PHYHD1: variants seen among roughly 807,000 people sequenced by gnomAD.
The protein encoded by PHYHD1 is phytanoyl-CoA dioxygenase domain containing 1, also known as phytanoyl-CoA dioxygenase domain-containing protein 1.
Under a neutral mutation model 43.6 loss-of-function variants are expected in PHYHD1, and 42 were observed. That is an observed-to-expected ratio of 0.96 (90% CI 0.75 to 1.25). PHYHD1 has a LOEUF of 1.25. Among genes scored for constraint, PHYHD1 ranks in the 50% most tolerant of loss-of-function variants. The pLI is 0.00. For missense variants in PHYHD1, 342 were observed against 370.8 expected (o/e 0.92, Z 0.64); for synonymous variants, 139 against 143.6 (o/e 0.97, Z 0.23).
intron 4 of PHYHD1, among the ~76,000 whole-genome samples, chr9:128,930,447 T>A (rs1345414701): frequency 1.7e-3 from 225 of 133,262 alleles, no homozygotes; most frequent in South Asian, 2.7e-3. Context: ...ACTGTCTTTT[T>A]AAAAAAAAAA....
At position 128,921,211 on chromosome 9, in the gene PHYHD1, A is replaced by C. The variant is rs531971882; in HGVS notation, c.-617A>C. ...ACTGCAACCTCCGCCTCCTGGGTTC[A>C]AGCGATTCTCCTGCCTCAGCCTCCC... On this transcript the variant is annotated 5_prime_UTR_variant, in exon 1 of 13. Coordinates refer to ENST00000372592, the MANE Select transcript of PHYHD1 (RefSeq NM_001100876.2). 1.3e-5 allele frequency: 2 copies of C among 152,490 alleles called. No homozygotes were observed. The highest frequency in any genetic ancestry group is 2.9e-5 in the Non-Finnish European group (2 of 68,176). 9.4% of individuals were successfully genotyped at this position (152,490 alleles called of 1,614,324 possible).
intron 3 of PHYHD1, among the ~76,000 whole-genome samples, chr9:128,926,371 T>A (rs1398653258): frequency 6.6e-6 from 1 of 151,018 alleles, no homozygotes; most frequent in East Asian, 2.0e-4. Context: ...TGCCTCAGCC[T>A]CCCGAGGAGC....
intron 4 of PHYHD1, among the ~76,000 whole-genome samples, chr9:128,933,570 C>T (rs1038464322): frequency 1.3e-5 from 2 of 152,128 alleles, no homozygotes; most frequent in Non-Finnish European, 2.9e-5. Flanking sequence ...AGTGAGGTGT[C>T]CAAGAAATTC....
rs1024265573 is a variant in PHYHD1 at position 128,933,675 on chromosome 9, C to G, written c.193-107C>G. On this transcript the variant is annotated intron_variant, in intron 4 of 12. Transcript: ENST00000372592. ...CAAGTCTGAGAAGCCCCCAGGGTGT[C>G]TGTAACCCTGTGAGGGTGGGAAGCT... The G allele has an allele frequency of 1.3e-5, 16 of 1,226,094 alleles. No homozygotes were observed. In the Admixed American group the frequency reaches 2.2e-4, roughly 17 times the overall value. 76.0% of individuals were successfully genotyped at this position (1,226,094 alleles called of 1,614,324 possible). A position where few individuals can be genotyped will look rare whatever the true frequency, so the allele number is the denominator to read the frequency against.
intron 4 of PHYHD1, among the ~76,000 whole-genome samples, chr9:128,933,054 T>C (rs1164184835): frequency 2.0e-5 from 3 of 149,914 alleles, no homozygotes; most frequent in African/African-American, 7.4e-5. Flanking sequence ...GATTTCACCA[T>C]GTTAGCCAGG....
intron 6 of PHYHD1, among the ~76,000 whole-genome samples, chr9:128,935,911 T>C (rs1841413386): frequency 6.6e-6 from 1 of 151,974 alleles, no homozygotes; most frequent in Admixed American, 6.6e-5. Flanking sequence ...CAAAACTAAA[T>C]AAATAAATAA....
intron 9 of PHYHD1, 106 bp downstream of exon 9, chr9:128,937,884 T>C (rs1841464825): frequency 6.3e-7 from 1 of 1,583,072 alleles, no homozygotes; most frequent in Admixed American, 1.8e-5. Context: ...TCCTGTCTGT[T>C]GTAGGAGCCT....
chr9:128,936,742 T>G, intron 8 of PHYHD1, 97 bp downstream of exon 8: 1 of 1,327,412 alleles, frequency 7.5e-7, no homozygotes. Context: ...TTGCTGGAAT[T>G]ATTATGTTGG....
chr9:128,940,219 G>A, intron 9 of PHYHD1, 150 bp from the exon 10 acceptor site: 1 of 1,273,598 alleles, frequency 7.9e-7, no homozygotes. Flanking sequence ...TTGCCTTAGA[G>A]TCCTGGGCCA....
chr9:128,934,862 G>A (rs960188825), intron 6 of PHYHD1, among the ~76,000 whole-genome samples: 1 of 152,034 alleles, frequency 6.6e-6, no homozygotes, highest in African/African-American at 2.4e-5. Flanking sequence ...TCTGGTCTTG[G>A]GCCCCTCTGC....
chr9:128,923,369 CG>C (rs1385848624), intron 3 of PHYHD1, among the ~76,000 whole-genome samples: 1 of 152,190 alleles, frequency 6.6e-6, no homozygotes. Flanking sequence ...TGAGCCACCG[CG>C]CCCAGCCTGC....
At chr9:128,929,768 G>A (rs997968533) in intron 4 of PHYHD1, among the ~76,000 whole-genome samples, 3 of 152,100 alleles carry the variant, frequency 2.0e-5, no homozygotes, top group Non-Finnish European at 2.9e-5. Flanking sequence ...ACATCTTACT[G>A]GTTCCCTCAT....
In PHYHD1 at chr9:128,941,782, G is replaced by A; in HGVS notation, c.*69G>A. The stretch of plus-strand genomic sequence containing the variant: ...TGTGGGCTGTAAACACCAGTGCCTT[G>A]CTCAGCCTCCTGGTTGCAACAGGGA... On this transcript the variant is annotated 3_prime_UTR_variant, in exon 13 of 13. Transcript: ENST00000372592. The A allele has an allele frequency of 6.2e-7, 1 of 1,605,172 alleles. No homozygotes were observed. Among genetic ancestry groups the A allele is most frequent in the African/African-American group, 1.3e-5 (1 of 74,830 alleles).
chr9:128,932,454 G>A (rs1262855055), intron 4 of PHYHD1, among the ~76,000 whole-genome samples: 2 of 151,826 alleles, frequency 1.3e-5, no homozygotes, highest in African/African-American at 4.8e-5. Flanking sequence ...CGCAACCTCC[G>A]CCTCCCAGGT....
rs768574391 is a variant in PHYHD1 at position 128,940,405 on chromosome 9, A to C, written c.494A>C (p.Glu165Ala). 6.2e-7 allele frequency: 1 copy of C among 1,614,164 alleles called. No individual in the cohort carries two copies. Among genetic ancestry groups the C allele is most frequent in the South Asian group, 1.1e-5 (1 of 91,084 alleles). ...PHQDASFLYT[E>A]PLGRVLGVWI... is the part of the protein sequence containing the mutation. ...CAGGACGCCTCCTTCCTGTACACGG[A>C]GCCCCTGGGCCGGGTGCTGGGCGTG... Residue 165 changes from glutamate to alanine, a missense_variant, in exon 10 of 13, where the codon GAG becomes GCG. Glu to Ala is a moderately radical substitution (Grantham distance 107). Transcript: ENST00000372592.
In PHYHD1 at chr9:128,925,183, C is replaced by T. The variant is rs554269466; in HGVS notation, c.34-1855C>T. On this transcript the variant is annotated intron_variant, in intron 3 of 12. Transcript: ENST00000372592. ...GGGGTGTCCTTAACCGGAAACTAGG[C>T]TCTTTGTGGGTGTGTGCAGTAAGTG... 2.0e-5 allele frequency among the ~76,000 whole-genome samples: 3 copies of T among 150,280 alleles called. No individual in the cohort carries two copies. The South Asian group carries it at 6.3e-4, about 32-fold the overall frequency.
At chr9:128,922,240 G>A in intron 2 of PHYHD1, 43 bp from the exon 3 acceptor site, 4 of 1,519,218 alleles carry the variant, frequency 2.6e-6, no homozygotes, top group Non-Finnish European at 3.6e-6. Flanking sequence ...GGTAGGGAAG[G>A]GTTAAGTCCT....
Position 128,937,765 on chromosome 9 carries a change from C to T in PHYHD1, c.444C>T (p.His148=), listed in dbSNP as rs370699769. The change falls in exon 9 of 13, where the codon CAC becomes CAT. Residue 148 remains histidine (H), a synonymous_variant. Coordinates refer to ENST00000372592, the MANE Select transcript of PHYHD1 (RefSeq NM_001100876.2). ...VQSMYIFKQP[H]FGGEVSPHQD... The stretch of plus-strand genomic sequence containing the variant: ...TTTCCTCTCTCTTGCAGCAACCTCA[C>T]TTTGGCGGTGAAGGTGAGCTGAGAG... 4 of 1,614,056 alleles carry T rather than the reference C, an allele frequency of 2.5e-6. No individual in the cohort carries two copies. The highest frequency in any genetic ancestry group is 2.5e-6 in the Non-Finnish European group (3 of 1,180,034).
intron 4 of PHYHD1, among the ~76,000 whole-genome samples, chr9:128,930,904 G>T (rs921834980): frequency 9.3e-5 from 14 of 150,162 alleles, no homozygotes; most frequent in African/African-American, 3.4e-4. Flanking sequence ...AGCCGAGATT[G>T]GGTCACTGCA....
Sources: allele counts gnomAD v4.1 joint callset (sites outside exome capture counted in the v4.1 genomes callset), GRCh38; gene constraint gnomAD v4.1.1; transcripts MANE v1.5; gene names NCBI Gene and HGNC (gene_info 2026-07-23, HGNC 2026-07-21).